NT5C2: variants seen among roughly 807,000 people sequenced by gnomAD.
The protein encoded by NT5C2 is cytosolic purine 5'-nucleotidase.
In NT5C2, 58 loss-of-function variants were observed where a neutral mutation model predicts 76.1. The ratio of observed to expected loss-of-function variants is 0.76; its 90% CI spans 0.62 to 0.95. NT5C2 has a LOEUF of 0.95. Ranked by LOEUF, NT5C2 falls within the 40% of genes least tolerant of loss-of-function variation. The pLI is 0.00. For synonymous variants in NT5C2, 229 were observed against 237.4 expected (o/e 0.96, Z 0.32); for missense variants, 478 against 690.3 (o/e 0.69, Z 3.45).
At chr10:103,178,359 A>C (rs1410281467) in intron 2 of NT5C2, among the ~76,000 whole-genome samples, 1 of 152,176 alleles carries the variant, frequency 6.6e-6, no homozygotes, top group Non-Finnish European at 1.5e-5. Flanking sequence ...AGCCTGGGCA[A>C]CATGGCAAAA....
At chr10:103,114,312 C>T (rs564614667) in intron 4 of NT5C2, among the ~76,000 whole-genome samples, 127 of 152,058 alleles carry the variant, frequency 8.4e-4, no homozygotes, top group African/African-American at 2.9e-3. Flanking sequence ...CGTGGTGGCA[C>T]GTGCCTGTAT....
At chr10:103,094,830 C>G (rs922288311) in intron 12 of NT5C2, among the ~76,000 whole-genome samples, 2 of 146,662 alleles carry the variant, frequency 1.4e-5, no homozygotes, top group Non-Finnish European at 3.0e-5. Context: ...TGCAGTGAGC[C>G]GAGATCGTGC....
intron 8 of NT5C2, 95 bp from the exon 9 acceptor site, chr10:103,100,114 C>G: frequency 1.3e-6 from 1 of 750,812 alleles, no homozygotes; most frequent in Admixed American, 2.0e-5. Flanking sequence ...GGTTCCATAT[C>G]ACATGGGTAA....
At chr10:103,138,013 C>T (rs184822066) in intron 4 of NT5C2, among the ~76,000 whole-genome samples, 1 of 152,092 alleles carries the variant, frequency 6.6e-6, no homozygotes, top group Non-Finnish European at 1.5e-5. Context: ...AAAGTTTACA[C>T]AAATAGGAGA....
At chr10:103,100,211 A>C (rs1404869191) in intron 8 of NT5C2, among the ~76,000 whole-genome samples, 192 bp from the exon 9 acceptor site, 1 of 152,258 alleles carries the variant, frequency 6.6e-6, no homozygotes, top group Non-Finnish European at 1.5e-5. Flanking sequence ...AATGGAATAC[A>C]GTAATTGTGA....
chr10:103,113,496 AT>A (rs997745829), intron 4 of NT5C2, among the ~76,000 whole-genome samples: 36 of 123,804 alleles, frequency 2.9e-4, no homozygotes, highest in African/African-American at 7.7e-4. Flanking sequence ...AATAGCTAAT[AT>A]TTTTTTTTTC....
intron 8 of NT5C2, 143 bp from the exon 9 acceptor site, chr10:103,100,162 G>A (rs2069202531): frequency 1.7e-6 from 1 of 572,184 alleles, no homozygotes. Flanking sequence ...ACTCCCTAAT[G>A]AAAGTCCACT....
At chr10:103,175,049 T>A (rs1272569662) in intron 2 of NT5C2, 67 bp from the exon 3 acceptor site, 8 of 899,698 alleles carry the variant, frequency 8.9e-6, no homozygotes, top group Non-Finnish European at 1.2e-5. Context: ...CTGATTTTTT[T>A]AAAAATCAGA....
intron 4 of NT5C2, among the ~76,000 whole-genome samples, chr10:103,115,227 C>G (rs2074046764): frequency 1.3e-5 from 2 of 152,138 alleles, no homozygotes; most frequent in Non-Finnish European, 1.5e-5. Flanking sequence ...ACAGTGAAAC[C>G]CCGTCTCTAC....
chr10:103,183,260 G>A (rs1591860724), intron 1 of NT5C2, among the ~76,000 whole-genome samples: 1 of 38,796 alleles, frequency 2.6e-5, no homozygotes, highest in Non-Finnish European at 4.4e-5. Flanking sequence ...ATGTGTGTGT[G>A]TGATATATAT....
rs1273292745 is a variant in NT5C2, at chr10:103,106,708, T to C, written c.176-2A>G. 3.2e-6 allele frequency: 5 copies of C among 1,548,406 alleles called. No homozygotes were observed. Among genetic ancestry groups the C allele is most frequent in the Non-Finnish European group, 4.5e-6 (5 of 1,122,416 alleles). On this transcript the variant is annotated splice_acceptor_variant, in intron 4 of 18. Coordinates refer to ENST00000404739, the MANE Select transcript of NT5C2 (RefSeq NM_001351169.2). LOFTEE classifies it high-confidence loss of function. ...ACTCATACTCTGGGGACTTGTACAC[T>C]GCACAAAGAGGAGGTTTTCATTAGT...
intron 1 of NT5C2, among the ~76,000 whole-genome samples, chr10:103,181,743 G>T (rs544236782): frequency 1.3e-5 from 2 of 151,912 alleles, no homozygotes; most frequent in African/African-American, 4.8e-5. Flanking sequence ...GGTGGCTCAC[G>T]CCTGTAATCC....
At chr10:103,120,692 G>A (rs2075480710) in intron 4 of NT5C2, among the ~76,000 whole-genome samples, 1 of 152,168 alleles carries the variant, frequency 6.6e-6, no homozygotes, top group Non-Finnish European at 1.5e-5. Context: ...TTGCTGGTGG[G>A]GATGTAAGAT....
intron 8 of NT5C2, 42 bp from the exon 9 acceptor site, chr10:103,100,061 G>GGGT (rs1447505109): frequency 1.5e-6 from 2 of 1,351,142 alleles, no homozygotes; most frequent in Non-Finnish European, 2.1e-6. Context: ...ATCCAAAACA[G>GGGT]GGTAAACAAA....
intron 4 of NT5C2, among the ~76,000 whole-genome samples, chr10:103,119,583 G>T (rs902517313): frequency 6.6e-6 from 1 of 152,144 alleles, no homozygotes; most frequent in African/African-American, 2.4e-5. Context: ...TTTGATAAAG[G>T]TTACCTTTCT....
At chr10:103,101,729 T>C (rs1473813370) in intron 6 of NT5C2, among the ~76,000 whole-genome samples, 1 of 151,962 alleles carries the variant, frequency 6.6e-6, no homozygotes, top group African/African-American at 2.4e-5. Context: ...AAATCACAAC[T>C]ACTACAAGAA....
chr10:103,113,100 CAATTTT>C (rs2073455860), intron 4 of NT5C2, among the ~76,000 whole-genome samples: 1 of 152,102 alleles, frequency 6.6e-6, no homozygotes. Flanking sequence ...AAAATGGCCT[CAATTTT>C]AATTTACTTA....
At chr10:103,093,860 A>T (rs747838063) in intron 14 of NT5C2, 112 bp downstream of exon 14, 23 of 777,272 alleles carry the variant, frequency 3.0e-5, no homozygotes, top group Admixed American at 6.5e-5. Flanking sequence ...CCTTCAGTAG[A>T]TGACATCTTA....
intron 4 of NT5C2, among the ~76,000 whole-genome samples, chr10:103,133,301 C>G (rs1565123679): frequency 1.3e-5 from 2 of 151,876 alleles, no homozygotes; most frequent in Non-Finnish European, 2.9e-5. Flanking sequence ...GAGTTTTGCT[C>G]TTTTTGCCCA....
Sources: gnomAD v4.1 joint callset for allele counts (sites outside exome capture counted in the v4.1 genomes callset) on GRCh38, gnomAD v4.1.1 for gene constraint, MANE v1.5 for transcripts, NCBI Gene and HGNC (gene_info 2026-07-23, HGNC 2026-07-21) for gene names.